EBF1: variants seen among roughly 807,000 people sequenced by gnomAD.
EBF1 encodes the protein EBF transcription factor 1.
Under a neutral mutation model 68.4 loss-of-function variants are expected in EBF1, and 10 were observed. The ratio of observed to expected loss-of-function variants is 0.15; its 90% CI spans 0.09 to 0.25. The LOEUF is 0.25. Ranked by LOEUF, EBF1 falls within the 10% of genes least tolerant of loss-of-function variation. EBF1 has a pLI of 1.00. For synonymous variants in EBF1, 298 were observed against 299.8 expected (o/e 0.99, Z 0.06); for missense variants, 509 against 794.4 (o/e 0.64, Z 4.32).
At chr5:158,991,944 C>A (rs6556384) in intron 6 of EBF1, among the ~76,000 whole-genome samples, 114,552 of 151,992 alleles carry the variant, frequency 0.75, 43,674 homozygotes, top group South Asian at 0.89. Context: ...ATTAGCTGAA[C>A]GACCTTCAGC....
chr5:158,924,299 G>C (rs1809100944), intron 6 of EBF1, among the ~76,000 whole-genome samples: 1 of 152,194 alleles, frequency 6.6e-6, no homozygotes, highest in African/African-American at 2.4e-5. Flanking sequence ...AGTGGAAGGA[G>C]GTTTTCCACG....
intron 6 of EBF1, among the ~76,000 whole-genome samples, chr5:158,872,070 C>G (rs937711319): frequency 3.9e-5 from 6 of 152,180 alleles, no homozygotes; most frequent in African/African-American, 1.4e-4. Context: ...AATTCTGTTG[C>G]CAAAACAGAC....
intron 11 of EBF1, among the ~76,000 whole-genome samples, chr5:158,727,841 C>A (rs1322572692): frequency 1.3e-5 from 2 of 152,186 alleles, no homozygotes; most frequent in South Asian, 4.1e-4. Context: ...TTTGAAAAAG[C>A]ACATGCCTGT....
At chr5:158,721,915 T>A (rs1019898973) in intron 11 of EBF1, among the ~76,000 whole-genome samples, 4 of 151,966 alleles carry the variant, frequency 2.6e-5, no homozygotes, top group Admixed American at 6.6e-5. Flanking sequence ...TTTTTTTTTT[T>A]ATTTGGTCTC....
At chr5:159,005,657 A>AT (rs1432532950) in intron 6 of EBF1, among the ~76,000 whole-genome samples, 3 of 152,166 alleles carry the variant, frequency 2.0e-5, no homozygotes, top group Non-Finnish European at 4.4e-5. Context: ...TCTTTTCTGC[A>AT]TAAAAAAAAC....
At chr5:158,910,386 T>C (rs1805699964) in intron 6 of EBF1, among the ~76,000 whole-genome samples, 1 of 152,220 alleles carries the variant, frequency 6.6e-6, no homozygotes, top group African/African-American at 2.4e-5. Context: ...TAATGGTACT[T>C]AGAAATTCGT....
chr5:158,696,134 G>A lies in EBF1; in HGVS notation c.*2977C>T, dbSNP rs151267502. 7.8e-5 allele frequency: 17 copies of A among 218,050 alleles called. No homozygotes were observed. Among genetic ancestry groups the A allele is most frequent in the Middle Eastern group, 2.8e-3 (2 of 714 alleles). The allele number at this position is 218,050 out of a possible 1,614,324, so 13.5% of individuals were successfully genotyped here. Reference sequence around the variant, plus strand: ...ATGACTTCATTTAAGCTGCATCCTAGTACAATGTGAGGCCAGGGCAATGTT... The same window carrying A: ...ATGACTTCATTTAAGCTGCATCCTAATACAATGTGAGGCCAGGGCAATGTT... On this transcript the variant is annotated 3_prime_UTR_variant, in exon 16 of 16. Transcript: ENST00000313708.
In EBF1 at chr5:159,014,321, T is replaced by G. The variant is rs144520529; in HGVS notation, c.554+59075A>C. On this transcript the variant is annotated intron_variant, in intron 6 of 15. Coordinates refer to ENST00000313708, the MANE Select transcript of EBF1 (RefSeq NM_024007.5). ...AAGCATGTTTCTCTAGTGACTATGT[T>G]ACCATGTCCCCAAAATTAACAGAAA... is the stretch of plus-strand genomic sequence containing the variant. 2.3e-3 allele frequency among the ~76,000 whole-genome samples: 345 copies of G among 152,330 alleles called. 2 individuals are homozygous for G. Among genetic ancestry groups the G allele is most frequent in the African/African-American group, 7.6e-3 (314 of 41,568 alleles).
intron 14 of EBF1, among the ~76,000 whole-genome samples, chr5:158,708,533 A>C (rs1301892180): frequency 2.6e-5 from 4 of 152,222 alleles, no homozygotes; most frequent in African/African-American, 9.6e-5. Context: ...GGCAGAACAC[A>C]GAGCCACCAT....
At chr5:158,848,757 C>T (rs1792030880) in intron 6 of EBF1, among the ~76,000 whole-genome samples, 1 of 152,174 alleles carries the variant, frequency 6.6e-6, no homozygotes, top group African/African-American at 2.4e-5. Flanking sequence ...CATTTTAAAG[C>T]AGATTCATTT....
intron 10 of EBF1, among the ~76,000 whole-genome samples, chr5:158,743,759 A>G (rs1766950526): frequency 6.6e-6 from 1 of 152,210 alleles, no homozygotes; most frequent in African/African-American, 2.4e-5. Context: ...GTGGCCATTT[A>G]GCAGAAAGAA....
At chr5:158,980,047 A>G (rs1202876918) in intron 6 of EBF1, among the ~76,000 whole-genome samples, 1 of 152,206 alleles carries the variant, frequency 6.6e-6, no homozygotes, top group Non-Finnish European at 1.5e-5. Context: ...GAAGGACTTC[A>G]TTAGGCAATT....
chr5:159,094,277 A>G (rs1376878041), intron 4 of EBF1, among the ~76,000 whole-genome samples: 1 of 151,526 alleles, frequency 6.6e-6, no homozygotes, highest in African/African-American at 2.4e-5. Context: ...AAAATTATAA[A>G]TGGTGATTTA....
At position 158,943,355 on chromosome 5, in the gene EBF1, C is replaced by T. The variant is rs917124965; in HGVS notation, c.555-103245G>A. ...ATACACACACACACACACACACACACACACATTCCGGAGGCACTGTGCCAG... is the reference window on the plus strand; with the variant it reads ...ATACACACACACACACACACACACATACACATTCCGGAGGCACTGTGCCAG... On this transcript the variant is annotated intron_variant, in intron 6 of 15. Coordinates refer to ENST00000313708, the MANE Select transcript of EBF1 (RefSeq NM_024007.5). 1.1e-3 allele frequency among the ~76,000 whole-genome samples: 155 copies of T among 140,704 alleles called. 1 individual carries two copies. The highest frequency in any genetic ancestry group is 3.7e-3 in the African/African-American group (147 of 39,258). The allele number at this position is 140,704 out of a possible 152,430, so 92.3% of individuals were successfully genotyped here.
At chr5:159,068,849 C>A (rs995149509) in intron 6 of EBF1, among the ~76,000 whole-genome samples, 2 of 152,006 alleles carry the variant, frequency 1.3e-5, no homozygotes, top group African/African-American at 2.4e-5. Context: ...GAGACCCTTG[C>A]GTAAGTGTGA....
At chr5:158,783,800 C>A (rs1776884698) in intron 9 of EBF1, among the ~76,000 whole-genome samples, 1 of 152,166 alleles carries the variant, frequency 6.6e-6, no homozygotes, top group Non-Finnish European at 1.5e-5. Flanking sequence ...GAGCTGAAAT[C>A]AGGAGAGAGA....
chr5:159,005,345 T>G (rs1398659256), intron 6 of EBF1, among the ~76,000 whole-genome samples: 1 of 152,226 alleles, frequency 6.6e-6, no homozygotes, highest in Admixed American at 6.5e-5. Flanking sequence ...GGAGAGTGTA[T>G]GCACTTTTGC....
intron 6 of EBF1, among the ~76,000 whole-genome samples, chr5:159,005,447 G>T (rs1763366896): frequency 6.6e-6 from 1 of 151,950 alleles, no homozygotes; most frequent in Non-Finnish European, 1.5e-5. Context: ...GTATTCCAAG[G>T]GACTCTTCCT....
At chr5:158,999,933 C>T (rs751365889) in intron 6 of EBF1, among the ~76,000 whole-genome samples, 1 of 152,172 alleles carries the variant, frequency 6.6e-6, no homozygotes, top group Non-Finnish European at 1.5e-5. Context: ...TTTTGAGAGA[C>T]AGTATTGTGT....
Sources: allele counts gnomAD v4.1 joint callset (sites outside exome capture counted in the v4.1 genomes callset), GRCh38; gene constraint gnomAD v4.1.1; transcripts MANE v1.5; gene names NCBI Gene and HGNC (gene_info 2026-07-23, HGNC 2026-07-21).